TENM3: variants seen among roughly 807,000 people sequenced by gnomAD.
TENM3 encodes the protein teneurin-3.
In TENM3, 63 loss-of-function variants were observed where a neutral mutation model predicts 255.1. The observed-to-expected ratio is 0.25, with a 90% CI of 0.20 to 0.30. TENM3 has a LOEUF of 0.30. TENM3 is among the 10% of genes least tolerant of loss of function. The pLI, the probability that TENM3 is intolerant of heterozygous loss-of-function variation, is 1.00. For missense variants in TENM3, 2,929 were observed against 3,461.1 expected (o/e 0.85, Z 3.86); for synonymous variants, 1,306 against 1,322.3 (o/e 0.99, Z 0.27).
chr4:181,546,508 G>T, the TENM3 span, among the ~76,000 whole-genome samples: 1 of 151,400 alleles, frequency 6.6e-6, no homozygotes, highest in East Asian at 2.0e-4. Flanking sequence ...GAGGTCAGGA[G>T]ATCGAGACCA....
At chr4:182,450,144 A>T (rs1377376351) in intron 3 of TENM3, among the ~76,000 whole-genome samples, 1 of 152,244 alleles carries the variant, frequency 6.6e-6, no homozygotes, top group Admixed American at 6.5e-5. Flanking sequence ...ACTTTCAGTA[A>T]TTGAAAGCAG....
the TENM3 span, among the ~76,000 whole-genome samples, chr4:181,700,746 TCAG>T: frequency 2.0e-5 from 3 of 152,148 alleles, no homozygotes; most frequent in Non-Finnish European, 4.4e-5. Context: ...TAGCATTTTG[TCAG>T]CTTGGTGCTG....
the TENM3 span, among the ~76,000 whole-genome samples, chr4:181,683,744 T>A: frequency 1.3e-5 from 2 of 151,980 alleles, no homozygotes; most frequent in Admixed American, 6.6e-5. Flanking sequence ...TGGAGCAGAG[T>A]CCTCATAGAG....
intron 22 of TENM3, among the ~76,000 whole-genome samples, chr4:182,770,472 C>T (rs917461754): frequency 2.0e-5 from 3 of 152,200 alleles, no homozygotes; most frequent in Non-Finnish European, 2.9e-5. Flanking sequence ...CTCCCAGCCC[C>T]ACCCGGGCCC....
At chr4:182,282,011 C>G (rs1008256152) in intron 1 of TENM3, among the ~76,000 whole-genome samples, 10 of 152,180 alleles carry the variant, frequency 6.6e-5, no homozygotes, top group African/African-American at 2.4e-4. Context: ...GCTGAGATTA[C>G]AGGCATGAAC....
the TENM3 span, among the ~76,000 whole-genome samples, chr4:181,898,174 T>TGGG: frequency 3.9e-5 from 6 of 152,160 alleles, no homozygotes. Flanking sequence ...CAGTTCATAC[T>TGGG]AAAAATACTT....
At chr4:182,492,890 A>ATT (rs140098543) in intron 3 of TENM3, among the ~76,000 whole-genome samples, 5 of 146,100 alleles carry the variant, frequency 3.4e-5, no homozygotes, top group South Asian at 2.2e-4. Flanking sequence ...TCATGTCAAC[A>ATT]TTTTTTTTTT....
intron 1 of TENM3, among the ~76,000 whole-genome samples, chr4:182,227,758 A>T (rs1343287220): frequency 2.0e-5 from 3 of 151,816 alleles, no homozygotes; most frequent in Non-Finnish European, 2.9e-5. Context: ...CCAGCAGAAA[A>T]TTCCTTTTCA....
intron 3 of TENM3, among the ~76,000 whole-genome samples, chr4:182,425,666 C>T (rs1007077891): frequency 1.3e-5 from 2 of 152,106 alleles, no homozygotes; most frequent in Non-Finnish European, 2.9e-5. Context: ...ATATTGCCCT[C>T]TTTCGCAGAA....
rs369312298 is a variant in TENM3, at chr4:182,383,226, A to C, written c.511+36297A>C. On this transcript the variant is annotated intron_variant, in intron 3 of 27. Coordinates refer to ENST00000511685, the MANE Select transcript of TENM3 (RefSeq NM_001080477.4). The stretch of plus-strand genomic sequence containing the variant: ...ACAGGATTCTTGCTGATGGTAGGCC[A>C]AGGACTTATACATCAAGTTGGGAGA... 1.8e-4 allele frequency among the ~76,000 whole-genome samples: 27 copies of C among 152,278 alleles called. No homozygotes were observed. In the East Asian group the frequency reaches 5.2e-3, roughly 29 times the overall value.
the TENM3 span, among the ~76,000 whole-genome samples, chr4:181,576,156 C>CA: frequency 6.6e-6 from 1 of 152,142 alleles, no homozygotes; most frequent in East Asian, 1.9e-4. Flanking sequence ...ATGCTACGGC[C>CA]ATATGTACAC....
chr4:182,497,314 G>A (rs1735871983), intron 3 of TENM3, among the ~76,000 whole-genome samples: 1 of 152,068 alleles, frequency 6.6e-6, no homozygotes, highest in East Asian at 1.9e-4. Flanking sequence ...ACCTCCAAAA[G>A]TGCTGGGATT....
In TENM3 at chr4:182,504,830, T is replaced by C. The variant is rs1458926893; in HGVS notation, c.512-96094T>C. 2.0e-5 allele frequency among the ~76,000 whole-genome samples: 3 copies of C among 152,226 alleles called. No individual in the cohort carries two copies. In the East Asian group the frequency reaches 5.8e-4, roughly 29 times the overall value. On this transcript the variant is annotated intron_variant, in intron 3 of 27. Coordinates refer to ENST00000511685, the MANE Select transcript of TENM3 (RefSeq NM_001080477.4). ...ATCAGTTATTCATAGTCTTAGACTTTGTTTCAGTAAATTGTTCTGCATTGT... is the reference window on the plus strand; with the variant it reads ...ATCAGTTATTCATAGTCTTAGACTTCGTTTCAGTAAATTGTTCTGCATTGT...
chr4:181,676,647 CTAACTA>C, the TENM3 span, among the ~76,000 whole-genome samples: 1 of 152,076 alleles, frequency 6.6e-6, no homozygotes, highest in African/African-American at 2.4e-5. Context: ...GAATCCCTTT[CTAACTA>C]TAAGTCAGAA....
At chr4:182,154,309 C>T (rs550395164) in intron 1 of TENM3, among the ~76,000 whole-genome samples, 118 of 152,068 alleles carry the variant, frequency 7.8e-4, no homozygotes, top group African/African-American at 2.7e-3. Flanking sequence ...GGATAGGAAG[C>T]TTTGTGGATA....
chr4:181,847,568 A>G, the TENM3 span, among the ~76,000 whole-genome samples: 3 of 152,114 alleles, frequency 2.0e-5, no homozygotes, highest in Non-Finnish European at 4.4e-5. Context: ...TATATTGATC[A>G]TAACATATTA....
At chr4:182,257,392 T>C (rs1226123396) in intron 1 of TENM3, among the ~76,000 whole-genome samples, 4 of 152,314 alleles carry the variant, frequency 2.6e-5, no homozygotes, top group African/African-American at 9.6e-5. Context: ...GATCTGATTG[T>C]GACTGTCCTC....
chr4:181,706,366 G>A, the TENM3 span, among the ~76,000 whole-genome samples: 7 of 152,090 alleles, frequency 4.6e-5, no homozygotes, highest in Non-Finnish European at 7.4e-5. Flanking sequence ...TTCAATATGC[G>A]GGGATGGGGA....
chr4:182,213,285 T>C (rs761906108), intron 1 of TENM3, among the ~76,000 whole-genome samples: 10 of 152,180 alleles, frequency 6.6e-5, no homozygotes, highest in Non-Finnish European at 1.2e-4. Flanking sequence ...AAATGTTATA[T>C]GTAAGTGAAA....
Sources: gnomAD v4.1 joint callset for allele counts (sites outside exome capture counted in the v4.1 genomes callset) on GRCh38, gnomAD v4.1.1 for gene constraint, MANE v1.5 for transcripts, NCBI Gene and HGNC (gene_info 2026-07-23, HGNC 2026-07-21) for gene names.